Variants in ACSF2 observed in about 807,000 individuals in gnomAD.
ACSF2 encodes the protein acyl-CoA synthetase family member 2, also known as medium-chain acyl-CoA ligase ACSF2, mitochondrial.
A neutral mutation model predicts 79.3 loss-of-function variants in ACSF2; 52 were observed. That is an observed-to-expected ratio of 0.66 (90% confidence interval 0.53 to 0.83). ACSF2 has a LOEUF of 0.83. ACSF2 is among the 40% of genes least tolerant of loss of function. The pLI is 0.00. For synonymous variants in ACSF2, 283 were observed against 312.6 expected (o/e 0.91, Z 1.00); for missense variants, 661 against 803.3 (o/e 0.82, Z 2.14).
chr17:50,439,410 CAT>C (rs932348694), intron 1 of ACSF2, among the ~76,000 whole-genome samples: 3 of 151,990 alleles, frequency 2.0e-5, no homozygotes, highest in African/African-American at 7.3e-5. Context: ...AAAATAGTAT[CAT>C]AGTTCTTTTC....
chr17:50,472,420 T>C lies in ACSF2; in HGVS notation c.1324-8T>C. The C allele has an allele frequency of 1.2e-6, 2 of 1,609,624 alleles. No homozygotes were observed. The highest frequency in any genetic ancestry group is 8.5e-7 in the Non-Finnish European group (1 of 1,178,174). ...AGGAAGCCCCAACCTGAGGCCATCC[T>C]GTCCCAGGCCCGGATCATGAACATG... On this transcript the variant is annotated splice_region_variant and splice_polypyrimidine_tract_variant and intron_variant, in intron 11 of 15. Transcript: ENST00000300441.
chr17:50,468,270 C>A, intron 10 of ACSF2: 2 of 1,611,142 alleles, frequency 1.2e-6, no homozygotes. Context: ...GAGCTCAACG[C>A]GTTTTCCGAC....
At chr17:50,438,331 C>G (rs1032887386) in intron 1 of ACSF2, among the ~76,000 whole-genome samples, 1 of 152,218 alleles carries the variant, frequency 6.6e-6, no homozygotes, top group Non-Finnish European at 1.5e-5. Context: ...GCAGTCCATC[C>G]TATGACTGTA....
At chr17:50,432,659 C>T (rs7221349) in intron 1 of ACSF2, among the ~76,000 whole-genome samples, 2,747 of 152,296 alleles carry the variant, frequency 0.018, 82 homozygotes, top group African/African-American at 0.062. Context: ...TAGAACTAAA[C>T]ATGTTGTATT....
chr17:50,449,020 T>C (rs2031480925), intron 1 of ACSF2, among the ~76,000 whole-genome samples: 1 of 146,986 alleles, frequency 6.8e-6, no homozygotes, highest in Non-Finnish European at 1.5e-5. Flanking sequence ...CTTTTTTTTT[T>C]TTTTTTTTTT....
chr17:50,452,027 A>G (rs1343611105), intron 1 of ACSF2, among the ~76,000 whole-genome samples: 2 of 152,222 alleles, frequency 1.3e-5, no homozygotes, highest in Non-Finnish European at 2.9e-5. Context: ...CTTAAAAAAT[A>G]AAATTTCTTG....
At position 50,463,752 on chromosome 17, in the gene ACSF2, G is replaced by A; in HGVS notation, c.1047-66G>A. The A allele has an allele frequency of 1.3e-6, 2 of 1,533,538 alleles. No individual in the cohort carries two copies. The highest frequency in any genetic ancestry group is 1.8e-6 in the Non-Finnish European group (2 of 1,113,114). The allele number at this position is 1,533,538 out of a possible 1,614,324, so 95.0% of individuals were successfully genotyped here. ...TTCCCTTTGCTGCAGTTTCATGGCG[G>A]GGTGGGTGAGAACAGGGAGTTCCCT... On this transcript the variant is annotated intron_variant, in intron 8 of 15. Transcript: ENST00000300441. This position sits in a 1 kb window ranked among gnomAD's most constrained non-coding sequence, Gnocchi z 4.6.
At chr17:50,448,917 C>A (rs2031470820) in intron 1 of ACSF2, among the ~76,000 whole-genome samples, 1 of 151,120 alleles carries the variant, frequency 6.6e-6, no homozygotes, top group Admixed American at 6.6e-5. Context: ...GGGTTTGACA[C>A]AAGTGACTCC....
rs150697823 is a variant in ACSF2 at position 50,458,292 on chromosome 17, A to G, written c.129-2385A>G. ...GGCTCTCCTCATTCTTCCAGGCCCAATGTCCTCTGCTCTGGACCCTTTGGT... is the reference window on the plus strand; with the variant it reads ...GGCTCTCCTCATTCTTCCAGGCCCAGTGTCCTCTGCTCTGGACCCTTTGGT... On this transcript the variant is annotated intron_variant, in intron 1 of 15. Transcript: ENST00000300441. Among the ~76,000 whole-genome samples the G allele has an allele frequency of 2.5e-3, 380 of 152,228 alleles. 1 individual carries two copies. The highest frequency in any genetic ancestry group is 8.9e-3 in the African/African-American group (369 of 41,524).
At chr17:50,455,394 G>A (rs879753048) in intron 1 of ACSF2, among the ~76,000 whole-genome samples, 1 of 152,134 alleles carries the variant, frequency 6.6e-6, no homozygotes, top group Non-Finnish European at 1.5e-5. Context: ...TTATTTTGGA[G>A]AGTGATCCTA....
At chr17:50,470,559 G>A (rs546232687) in intron 10 of ACSF2, among the ~76,000 whole-genome samples, 19 of 152,258 alleles carry the variant, frequency 1.2e-4, no homozygotes, top group African/African-American at 4.3e-4. Context: ...GGTTGTGTCT[G>A]TGCCACTCCT....
At chr17:50,442,169 G>A (rs2030971818) in intron 1 of ACSF2, among the ~76,000 whole-genome samples, 1 of 152,028 alleles carries the variant, frequency 6.6e-6, no homozygotes, top group Non-Finnish European at 1.5e-5. Flanking sequence ...GCCAGGCGTG[G>A]TGGTGCATGC....
chr17:50,461,815 CT>C, intron 4 of ACSF2, 129 bp downstream of exon 4: 1 of 1,231,516 alleles, frequency 8.1e-7, no homozygotes. Context: ...AGTGTCCTTC[CT>C]TAGGCCATGT....
intron 12 of ACSF2, chr17:50,473,339 G>C: frequency 3.3e-6 from 1 of 307,690 alleles, no homozygotes; most frequent in South Asian, 5.9e-5. Flanking sequence ...CTGTGGTGGG[G>C]AGGGGAGCTT....
intron 1 of ACSF2, among the ~76,000 whole-genome samples, chr17:50,439,344 G>A (rs971620310): frequency 1.3e-5 from 2 of 151,002 alleles, no homozygotes; most frequent in Admixed American, 1.3e-4. Flanking sequence ...CAAAGTGCTG[G>A]GATCACAGGC....
At chr17:50,457,659 G>T (rs867668638) in intron 1 of ACSF2, among the ~76,000 whole-genome samples, 1 of 152,112 alleles carries the variant, frequency 6.6e-6, no homozygotes, top group Non-Finnish European at 1.5e-5. Context: ...CTTCTTTACC[G>T]AATAGCCTTA....
At chr17:50,462,891 A>C in intron 6 of ACSF2, 1 of 581,894 alleles carries the variant, frequency 1.7e-6, no homozygotes, top group South Asian at 2.2e-5. Flanking sequence ...TCAGAGACGC[A>C]GAAGAGAGAA....
At chr17:50,464,416 C>A (rs2032548783) in intron 10 of ACSF2, 122 bp downstream of exon 10, 6 of 1,008,480 alleles carry the variant, frequency 5.9e-6, no homozygotes, top group Non-Finnish European at 9.4e-6. Context: ...AGCCCTCCTT[C>A]CAGAAAGCAG....
intron 1 of ACSF2, among the ~76,000 whole-genome samples, chr17:50,430,935 T>A (rs1915463347): frequency 6.6e-6 from 1 of 152,206 alleles, no homozygotes; most frequent in Non-Finnish European, 1.5e-5. Flanking sequence ...TGCTGAGCTA[T>A]TTTTCTGTTC....
Sources: allele counts gnomAD v4.1 joint callset (sites outside exome capture counted in the v4.1 genomes callset), GRCh38; gene constraint gnomAD v4.1.1; non-coding constraint Gnocchi (gnomAD v3.1); transcripts MANE v1.5; gene names NCBI Gene and HGNC (gene_info 2026-07-23, HGNC 2026-07-21).